Variants in TMEM154 observed in about 807,000 individuals in gnomAD.
TMEM154 encodes transmembrane protein 154.
In TMEM154, 27 loss-of-function variants were observed where a neutral mutation model predicts 24.5. The observed-to-expected ratio is 1.10, with a 90% confidence interval of 0.81 to 1.52. The LOEUF (loss-of-function observed/expected upper bound fraction) is 1.52. Ranked by LOEUF, TMEM154 falls within the 40% of genes most tolerant of loss-of-function variation. The pLI is 0.00. For missense variants in TMEM154, 228 were observed against 213.4 expected (o/e 1.07, Z -0.43); for synonymous variants, 67 against 76.8 (o/e 0.87, Z 0.67).
intron 3 of TMEM154, among the ~76,000 whole-genome samples, chr4:152,649,686 T>A (rs1728335654): frequency 6.6e-6 from 1 of 152,186 alleles, no homozygotes; most frequent in Non-Finnish European, 1.5e-5. Flanking sequence ...TCTGACTCAC[T>A]CCTTGATCAG....
intron 1 of TMEM154, among the ~76,000 whole-genome samples, chr4:152,674,929 G>A (rs747989327): frequency 1.3e-5 from 2 of 152,070 alleles, no homozygotes; most frequent in Non-Finnish European, 2.9e-5. Context: ...GCCGAGGTGA[G>A]TGGATCACCT....
intron 6 of TMEM154, among the ~76,000 whole-genome samples, chr4:152,638,346 C>A (rs911921756): frequency 6.6e-6 from 1 of 152,176 alleles, no homozygotes; most frequent in African/African-American, 2.4e-5. Flanking sequence ...TGGGCCTATG[C>A]CAGTAATTAA....
chr4:152,674,021 C>T (rs909832236), intron 1 of TMEM154, among the ~76,000 whole-genome samples: 1 of 151,692 alleles, frequency 6.6e-6, no homozygotes, highest in African/African-American at 2.4e-5. Context: ...CTGATAAATG[C>T]GGTAACCTGA....
intron 4 of TMEM154, among the ~76,000 whole-genome samples, chr4:152,644,178 AG>A (rs1752309982): frequency 6.6e-6 from 1 of 152,234 alleles, no homozygotes; most frequent in African/African-American, 2.4e-5. Flanking sequence ...TTCTGAATGT[AG>A]GACAATGAAA....
rs1561062157 is a variant in TMEM154, at chr4:152,679,914, G to A, written c.20C>T (p.Ala7Val). 1 of 1,610,738 alleles carries A rather than the reference G, an allele frequency of 6.2e-7. No individual in the cohort carries two copies. Among genetic ancestry groups the A allele is most frequent in the Non-Finnish European group, 8.5e-7 (1 of 1,178,950 alleles). ...CGCGATCACCAGGGCGAAGACTAGG[G>A]CTGCGCGGGGAGCCTGCATGTCCGC... is the stretch of plus-strand genomic sequence containing the variant. MQAPRA[A>V]LVFALVIALV... is the part of the protein sequence containing the mutation. The change falls in exon 1 of 7, where the codon GCC becomes GTC. Residue 7 changes from alanine (A) to valine (V), a missense_variant. Physicochemically the swap from Ala to Val is moderately conservative, Grantham distance 64. Coordinates refer to ENST00000304385, the MANE Select transcript of TMEM154 (RefSeq NM_152680.3).
chr4:152,676,427 G>A (rs889043370), intron 1 of TMEM154, among the ~76,000 whole-genome samples: 7 of 152,216 alleles, frequency 4.6e-5, no homozygotes, highest in Non-Finnish European at 1.0e-4. Flanking sequence ...GACTCCTGAG[G>A]CAGAATCTTA....
At chr4:152,628,641 T>TC in intron 6 of TMEM154, 80 bp from the exon 7 acceptor site, 2 of 1,027,762 alleles carry the variant, frequency 1.9e-6, no homozygotes, top group South Asian at 2.1e-5. Flanking sequence ...TTTCTTTCTT[T>TC]TTTTTTTTTT....
At chr4:152,664,282 C>A (rs761292324) in intron 1 of TMEM154, among the ~76,000 whole-genome samples, 2 of 151,984 alleles carry the variant, frequency 1.3e-5, no homozygotes, top group South Asian at 4.1e-4. Flanking sequence ...GAACAGAAAA[C>A]CAAACACCAC....
chr4:152,675,897 G>A (rs1024639871), intron 1 of TMEM154, among the ~76,000 whole-genome samples: 1 of 152,108 alleles, frequency 6.6e-6, no homozygotes. Context: ...ATGGTTTCCT[G>A]GGATTCCAAA....
chr4:152,634,541 G>A (rs1752110649), intron 6 of TMEM154, among the ~76,000 whole-genome samples: 1 of 152,172 alleles, frequency 6.6e-6, no homozygotes, highest in African/African-American at 2.4e-5. Context: ...TAACATCAGA[G>A]GCAAGCCTAG....
chr4:152,672,021 T>A (rs1246619104), intron 1 of TMEM154, among the ~76,000 whole-genome samples: 2 of 147,702 alleles, frequency 1.4e-5, no homozygotes, highest in Non-Finnish European at 3.0e-5. Context: ...TTGGGAGGTC[T>A]AAGTGGGAGG....
Position 152,648,675 on chromosome 4 carries a change from A to G in TMEM154, c.364+3863T>C, listed in dbSNP as rs541471276. Among the ~76,000 whole-genome samples, 178 of 152,314 alleles carry G rather than the reference A, an allele frequency of 1.2e-3. No homozygotes were observed. In the Middle Eastern group the frequency reaches 0.017, roughly 15 times the overall value. ...TGTTGTTAGAGTGGAGGATGCATGG[A>G]CCATGTCTGAGGTTGAGGCTGGCTC... On this transcript the variant is annotated intron_variant, in intron 3 of 6. Coordinates refer to ENST00000304385, the MANE Select transcript of TMEM154 (RefSeq NM_152680.3).
At chr4:152,674,311 T>C (rs753080190) in intron 1 of TMEM154, among the ~76,000 whole-genome samples, 5 of 67,006 alleles carry the variant, frequency 7.5e-5, no homozygotes, top group Admixed American at 2.2e-4. Context: ...TTTCAGACCA[T>C]GGTATAAGAA....
chr4:152,655,242 C>A (rs1355815179), intron 1 of TMEM154, among the ~76,000 whole-genome samples: 1 of 152,228 alleles, frequency 6.6e-6, no homozygotes, highest in Non-Finnish European at 1.5e-5. Context: ...AGGCATCCTT[C>A]TTGGCTGAGA....
Position 152,626,657 on chromosome 4 carries a change from C to T in TMEM154, c.*1889G>A, listed in dbSNP as rs1279748663. On this transcript the variant is annotated 3_prime_UTR_variant, in exon 7 of 7. Transcript: ENST00000304385. ...AATATGACTTCATCAACATGAAGTT[C>T]CAGGACCCCAGATGCCTCTCTGAGA... 6.6e-6 allele frequency: 1 copy of T among 152,052 alleles called. No homozygotes were observed. Among genetic ancestry groups the T allele is most frequent in the African/African-American group, 2.4e-5 (1 of 41,390 alleles). 9.4% of individuals were successfully genotyped at this position (152,052 alleles called of 1,614,324 possible). A position where few individuals can be genotyped will look rare whatever the true frequency, so the allele number is the denominator to read the frequency against.
intron 1 of TMEM154, among the ~76,000 whole-genome samples, chr4:152,661,314 CT>C (rs1728603109): frequency 6.8e-6 from 1 of 146,744 alleles, no homozygotes; most frequent in African/African-American, 2.5e-5. Flanking sequence ...CTCTCTCTCT[CT>C]CTCTCTCTCT....
At chr4:152,631,521 C>T (rs916094158) in intron 6 of TMEM154, among the ~76,000 whole-genome samples, 2 of 151,926 alleles carry the variant, frequency 1.3e-5, no homozygotes, top group Non-Finnish European at 2.9e-5. Flanking sequence ...GCAGCCTCGA[C>T]CTCCTGGGCT....
At position 152,652,758 on chromosome 4, in the gene TMEM154, C is replaced by T; in HGVS notation, c.234G>A (p.Leu78=). The part of the protein sequence containing the change: ...APDENQLEFI[L]MVLIPLILLV... ...ATAAAATCAATGGGATTAACACCAT[C>T]AGTATAAACTCTAACTGATTTTCAT... Residue 78 remains leucine, a synonymous_variant, in exon 2 of 7, where the codon CTG becomes CTA. Coordinates refer to ENST00000304385, the MANE Select transcript of TMEM154 (RefSeq NM_152680.3). The T allele has an allele frequency of 6.2e-7, 1 of 1,614,004 alleles. No homozygotes were observed. The highest frequency in any genetic ancestry group is 8.5e-7 in the Non-Finnish European group (1 of 1,179,976).
At chr4:152,653,166 G>T (rs1365691086) in intron 1 of TMEM154, among the ~76,000 whole-genome samples, 2 of 152,146 alleles carry the variant, frequency 1.3e-5, no homozygotes, top group African/African-American at 2.4e-5. Flanking sequence ...AGGCAGTTTT[G>T]CATTGACCAG....
Sources: gnomAD v4.1 joint callset for allele counts (sites outside exome capture counted in the v4.1 genomes callset) on GRCh38, gnomAD v4.1.1 for gene constraint, MANE v1.5 for transcripts, NCBI Gene and HGNC (gene_info 2026-07-23, HGNC 2026-07-21) for gene names.